CACNA2D3: variants seen among roughly 807,000 people sequenced by gnomAD.
CACNA2D3 encodes calcium voltage-gated channel auxiliary subunit alpha2delta 3, also known as voltage-dependent calcium channel subunit alpha-2/delta-3.
In CACNA2D3, 60 loss-of-function variants were observed where a neutral mutation model predicts 160.6. That is an observed-to-expected ratio of 0.37 (90% CI 0.30 to 0.46). The LOEUF (loss-of-function observed/expected upper bound fraction) is 0.46, where lower values mean the gene tolerates loss of function less well. Ranked by LOEUF, CACNA2D3 falls within the 20% of genes least tolerant of loss-of-function variation. The pLI is 1.00. For synonymous variants in CACNA2D3, 558 were observed against 492.9 expected, an observed-to-expected ratio of 1.13 and a Z score of -1.75; for missense variants, 1,205 against 1,365.0, an observed-to-expected ratio of 0.88 and a Z score of 1.85.
chr3:54,946,500 G>T (rs1701618478), intron 27 of CACNA2D3, among the ~76,000 whole-genome samples: 1 of 152,178 alleles, frequency 6.6e-6, no homozygotes, highest in African/African-American at 2.4e-5. Context: ...GGGGATGTGA[G>T]GGCCGTTAGC....
intron 11 of CACNA2D3, among the ~76,000 whole-genome samples, chr3:54,711,286 C>T (rs6767729): frequency 0.014 from 2,142 of 152,294 alleles, 58 homozygotes; most frequent in African/African-American, 0.049. Context: ...GAACAGCACA[C>T]ACACAAAAGA....
Position 54,601,340 on chromosome 3 carries a change from T to C in CACNA2D3, c.963+19463T>C, listed in dbSNP as rs563760123. Among the ~76,000 whole-genome samples, 7 of 152,270 alleles carry C rather than the reference T, an allele frequency of 4.6e-5. No homozygotes were observed. The South Asian group carries it at 1.5e-3, about 32-fold the overall frequency. On this transcript the variant is annotated intron_variant, in intron 9 of 37. Transcript: ENST00000474759. ...TACCTCAGTCAGTCTCCTGAGTAGC[T>C]AGGACTACAGGTGTTTGCCACCACT...
intron 35 of CACNA2D3, among the ~76,000 whole-genome samples, chr3:55,027,038 C>G (rs1647554467): frequency 2.0e-5 from 3 of 152,182 alleles, no homozygotes; most frequent in Admixed American, 2.0e-4. Flanking sequence ...GAGCAAACAA[C>G]TCACTTGTTC....
intron 31 of CACNA2D3, among the ~76,000 whole-genome samples, chr3:54,988,626 G>A (rs981824289): frequency 5.9e-5 from 9 of 152,230 alleles, no homozygotes; most frequent in African/African-American, 2.2e-4. Context: ...CACATCGGTG[G>A]CCAGTGGGTA....
intron 2 of CACNA2D3, among the ~76,000 whole-genome samples, chr3:54,298,679 A>C (rs1450033019): frequency 6.6e-6 from 1 of 152,108 alleles, no homozygotes; most frequent in Non-Finnish European, 1.5e-5. Flanking sequence ...GCATACCTGT[A>C]GTCCCAGCTA....
chr3:54,520,074 G>A (rs1489447931), intron 5 of CACNA2D3, among the ~76,000 whole-genome samples: 1 of 152,232 alleles, frequency 6.6e-6, no homozygotes, highest in Non-Finnish European at 1.5e-5. Context: ...TGGAGACAAA[G>A]CTTGTTTTAC....
rs1344713716 is a variant in CACNA2D3, at chr3:54,780,071, T to C, written c.1380+15720T>C. On this transcript the variant is annotated intron_variant, in intron 13 of 37. Transcript: ENST00000474759. ...TTGTTTCTCCCTGTCTGTACTATAC[T>C]TTTCCTAAAAAACGGTACAATGAGA... Among the ~76,000 whole-genome samples, 13 of 152,272 alleles carry C rather than the reference T, an allele frequency of 8.5e-5. No individual in the cohort carries two copies. In the East Asian group the frequency reaches 2.5e-3, roughly 29 times the overall value.
intron 2 of CACNA2D3, among the ~76,000 whole-genome samples, chr3:54,288,102 A>G (rs1167560872): frequency 1.3e-5 from 2 of 152,090 alleles, no homozygotes; most frequent in African/African-American, 4.8e-5. Flanking sequence ...TAGAGACCCA[A>G]AAAACCCTTC....
Position 54,329,745 on chromosome 3 carries a change from C to CATA in CACNA2D3, c.321+9205_321+9207dup, listed in dbSNP as rs574345629. ...AGAGATCCAAATGACAGAAGAAAGC[C>CATA]ATAATAATAATAATAATAATGATAA... On this transcript the variant is annotated intron_variant, in intron 3 of 37. Coordinates refer to ENST00000474759, the MANE Select transcript of CACNA2D3 (RefSeq NM_018398.3). Among the ~76,000 whole-genome samples, 630 of 151,612 alleles carry CATA rather than the reference C, an allele frequency of 4.2e-3. 6 individuals carry two copies. The highest frequency in any genetic ancestry group is 0.038 in the South Asian group (184 of 4,800).
chr3:54,420,027 A>G (rs1054012493), intron 4 of CACNA2D3, among the ~76,000 whole-genome samples: 1 of 151,772 alleles, frequency 6.6e-6, no homozygotes, highest in African/African-American at 2.4e-5. Context: ...AGGCTTCCCA[A>G]AGTGCTGGGA....
chr3:54,646,190 CCTTG>C (rs1201418666), intron 11 of CACNA2D3, among the ~76,000 whole-genome samples: 749 of 15,694 alleles, frequency 0.048, 68 homozygotes, highest in Non-Finnish European at 0.084. Context: ...CTCCCTCCTT[CCTTG>C]CTTCCTTCCT....
At chr3:54,753,272 A>G (rs1427934171) in intron 12 of CACNA2D3, among the ~76,000 whole-genome samples, 1 of 152,192 alleles carries the variant, frequency 6.6e-6, no homozygotes, top group African/African-American at 2.4e-5. Context: ...CTGTGCATCA[A>G]ATATCCGTAT....
chr3:54,908,587 G>A (rs1700494681), intron 27 of CACNA2D3, among the ~76,000 whole-genome samples: 1 of 152,096 alleles, frequency 6.6e-6, no homozygotes, highest in Non-Finnish European at 1.5e-5. Context: ...CAGGCTGGCA[G>A]GCACCTGTAG....
chr3:54,605,106 G>A (rs896997588), intron 9 of CACNA2D3, among the ~76,000 whole-genome samples: 3 of 152,048 alleles, frequency 2.0e-5, no homozygotes, highest in Non-Finnish European at 4.4e-5. Context: ...TATAATTCCT[G>A]TCCTCTGTCT....
At chr3:54,300,715 T>C (rs1192899899) in intron 2 of CACNA2D3, among the ~76,000 whole-genome samples, 1 of 152,212 alleles carries the variant, frequency 6.6e-6, no homozygotes, top group East Asian at 1.9e-4. Context: ...GTGGGGTCTT[T>C]TTAAAGTAAC....
At chr3:54,145,376 C>T (rs1236034307) in intron 2 of CACNA2D3, among the ~76,000 whole-genome samples, 1 of 152,152 alleles carries the variant, frequency 6.6e-6, no homozygotes, top group African/African-American at 2.4e-5. Context: ...GTGTGGAATT[C>T]TGGAGCCTGG....
rs1262583971 is a variant in CACNA2D3, at chr3:54,303,820, T to TTTTTG, written c.205-16618_205-16617insGTTTT. Among the ~76,000 whole-genome samples, 284 of 55,584 alleles carry TTTTTG rather than the reference T, an allele frequency of 5.1e-3. 4 individuals are homozygous for TTTTTG. The highest frequency in any genetic ancestry group is 8.9e-3 in the Middle Eastern group (1 of 112). 36.5% of individuals were successfully genotyped at this position (55,584 alleles called of 152,430 possible). On this transcript the variant is annotated intron_variant, in intron 2 of 37. Transcript: ENST00000474759. ...GCCTCATCAGTGACTTTTTTTCTGT[T>TTTTTG]TTTTTTTTTTTTTTTTTTCTATTGC...
chr3:54,533,724 C>T (rs1701841243), intron 5 of CACNA2D3, among the ~76,000 whole-genome samples: 2 of 151,848 alleles, frequency 1.3e-5, no homozygotes, highest in Admixed American at 1.3e-4. Context: ...AATATTGGTG[C>T]TCTAAGGTCT....
chr3:54,503,637 C>T lies in CACNA2D3; in HGVS notation c.527C>T (p.Thr176Met), dbSNP rs1701325728. Reference sequence around the variant, plus strand: ...AGTCTAAGTGACGTCCAAGTACCAACGAACATGTACAACAAAGGTAAGACT... The same window carrying T: ...AGTCTAAGTGACGTCCAAGTACCAATGAACATGTACAACAAAGGTAAGACT... The part of the protein sequence containing the change: ...NISLSDVQVP[T>M]NMYNKDPAIV... Residue 176 changes from threonine (T) to methionine (M), a missense_variant, in exon 5 of 38, where the codon ACG becomes ATG. By Grantham distance (81) the Thr-to-Met change is moderately conservative. Around this residue, in one of 3 missense-constraint regions of CACNA2D3, gnomAD observed 131 missense variants for 201.5 expected, o/e 0.65. Coordinates refer to ENST00000474759, the MANE Select transcript of CACNA2D3 (RefSeq NM_018398.3). 4.3e-6 allele frequency: 7 copies of T among 1,613,590 alleles called. No individual in the cohort carries two copies. The highest frequency in any genetic ancestry group is 2.2e-5 in the East Asian group (1 of 44,886).
Sources: gnomAD v4.1 joint callset for allele counts (sites outside exome capture counted in the v4.1 genomes callset) on GRCh38, gnomAD v4.1.1 for gene constraint, gnomAD v4.1.1 regional missense constraint, MANE v1.5 for transcripts, NCBI Gene and HGNC (gene_info 2026-07-23, HGNC 2026-07-21) for gene names.